The following INO80 variants were observed in gnomAD, a reference collection of about 807,000 sequenced individuals.
INO80 encodes the protein chromatin-remodeling ATPase INO80.
A neutral mutation model predicts 203.4 loss-of-function variants in INO80; 20 were observed. The observed-to-expected ratio is 0.10, with a 90% CI of 0.07 to 0.14. INO80 has a LOEUF of 0.14. Among genes scored for constraint, INO80 ranks in the 10% least tolerant of loss-of-function variants. INO80 has a pLI of 1.00. For synonymous variants in INO80, 726 were observed against 685.2 expected, an observed-to-expected ratio of 1.06 and a Z score of -0.93; for missense variants, 1,419 against 1,914.4, an observed-to-expected ratio of 0.74 and a Z score of 4.83.
intron 19 of INO80, among the ~76,000 whole-genome samples, chr15:41,052,090 G>C (rs757653124): frequency 1.3e-5 from 2 of 151,994 alleles, no homozygotes; most frequent in Non-Finnish European, 2.9e-5. Flanking sequence ...AGTTAGCCAT[G>C]ATCATGCTAC....
chr15:41,045,053 G>T lies in INO80; in HGVS notation c.2758C>A (p.Leu920Met). The T allele has an allele frequency of 6.2e-7, 1 of 1,606,762 alleles. No individual in the cohort carries two copies. Among genetic ancestry groups the T allele is most frequent in the South Asian group, 1.1e-5 (1 of 89,684 alleles). ...TGATGGAGCCTGTAGGAGGCTTTCAGAGACAGGAAAAGAGCTAACCATCTG... is the reference window on the plus strand; with the variant it reads ...TGATGGAGCCTGTAGGAGGCTTTCATAGACAGGAAAAGAGCTAACCATCTG... Reference protein sequence around the residue: ...LARWLALFLSLKASYRLHQLR... With the variant: ...LARWLALFLSMKASYRLHQLR... Residue 920 changes from leucine (L) to methionine (M), a missense_variant, in exon 24 of 36, where the codon CTG becomes ATG. Around this residue, in one of 9 missense-constraint regions of INO80, gnomAD observed 302 missense variants for 345.4 expected, o/e 0.87. Coordinates refer to ENST00000648947, the MANE Select transcript of INO80 (RefSeq NM_017553.3).
At chr15:41,073,313 T>TA in intron 11 of INO80, 115 bp downstream of exon 11, 1 of 869,798 alleles carries the variant, frequency 1.1e-6, no homozygotes. Flanking sequence ...ATACACAAGC[T>TA]AGTCTATGCT....
chr15:41,046,924 A>G (rs1200648482), intron 23 of INO80, among the ~76,000 whole-genome samples: 3 of 150,272 alleles, frequency 2.0e-5, no homozygotes, highest in African/African-American at 4.9e-5. Flanking sequence ...GGGCCTGGTC[A>G]ACAAACTGTA....
At chr15:41,106,156 A>G (rs1253126402) in intron 1 of INO80, among the ~76,000 whole-genome samples, 1 of 151,996 alleles carries the variant, frequency 6.6e-6, no homozygotes, top group Non-Finnish European at 1.5e-5. Flanking sequence ...CACTTTGGGA[A>G]GCTAATCACT....
rs1342017999 is a variant in INO80 at position 41,031,115 on chromosome 15, A to C, written c.2908-3379T>G. On this transcript the variant is annotated intron_variant, in intron 24 of 35. Coordinates refer to ENST00000648947, the MANE Select transcript of INO80 (RefSeq NM_017553.3). ...CAACATATAGCCTCAACTTTAGAGA[A>C]ACCCTGACTACCCCTAGAATGTTTT... 2.0e-5 allele frequency among the ~76,000 whole-genome samples: 3 copies of C among 152,204 alleles called. No individual in the cohort carries two copies. The East Asian group carries it at 5.8e-4, about 29-fold the overall frequency.
chr15:41,013,527 A>G (rs919966022), intron 27 of INO80, among the ~76,000 whole-genome samples: 2 of 152,218 alleles, frequency 1.3e-5, no homozygotes, highest in African/African-American at 4.8e-5. Context: ...AAGTCGTACA[A>G]TATGTTTATA....
chr15:41,071,707 T>C (rs553924602), intron 12 of INO80, 142 bp downstream of exon 12: 84 of 646,148 alleles, frequency 1.3e-4, no homozygotes, highest in Non-Finnish European at 2.1e-4. Flanking sequence ...GTGATCCGCC[T>C]GCCTTGGCCT....
chr15:41,074,542 G>A lies in INO80; in HGVS notation c.1155C>T (p.Leu385=), dbSNP rs1241751549. Residue 385 remains leucine (L), a synonymous_variant, in exon 10 of 36, where the codon CTC becomes CTT. Coordinates refer to ENST00000648947, the MANE Select transcript of INO80 (RefSeq NM_017553.3). ...ACTCTGTCTGGGTAATTAAGAAGTT[G>A]AGTTTTCGCTGTTGCCTCTTGGCCT... ...MREAKRQQRK[L]NFLITQTELY... is the part of the protein sequence containing the mutation. The A allele has an allele frequency of 3.1e-6, 5 of 1,610,144 alleles. No individual in the cohort carries two copies. Among genetic ancestry groups the A allele is most frequent in the Non-Finnish European group, 4.2e-6 (5 of 1,178,414 alleles).
intron 19 of INO80, among the ~76,000 whole-genome samples, chr15:41,051,835 G>T (rs1384706598): frequency 2.0e-5 from 3 of 152,068 alleles, no homozygotes; most frequent in African/African-American, 4.8e-5. Context: ...GTACACACCT[G>T]TAGTCCCAGC....
At chr15:41,006,985 A>T (rs2044050737) in intron 27 of INO80, among the ~76,000 whole-genome samples, 1 of 152,098 alleles carries the variant, frequency 6.6e-6, no homozygotes, top group African/African-American at 2.4e-5. Flanking sequence ...TCAAGAAAGA[A>T]GGTATAAAAT....
At chr15:41,080,783 C>T (rs1441154080) in intron 8 of INO80, among the ~76,000 whole-genome samples, 1 of 152,082 alleles carries the variant, frequency 6.6e-6, no homozygotes. Flanking sequence ...ACCTGGGAGA[C>T]GGTGGTTGCA....
rs189218778 is a variant in INO80 at position 41,031,001 on chromosome 15, A to G, written c.2908-3265T>C. 2.7e-3 allele frequency among the ~76,000 whole-genome samples: 409 copies of G among 152,324 alleles called. 3 individuals are homozygous for G. Among genetic ancestry groups the G allele is most frequent in the South Asian group, 0.013 (62 of 4,822 alleles). On this transcript the variant is annotated intron_variant, in intron 24 of 35. Transcript: ENST00000648947. ...CTTATTTTTTATGAGCTGGGTTAAAATAGTATTCTCATTGAAGTTGCTAAG... is the reference window on the plus strand; with the variant it reads ...CTTATTTTTTATGAGCTGGGTTAAAGTAGTATTCTCATTGAAGTTGCTAAG...
Position 41,069,661 on chromosome 15 carries a change from T to A in INO80, c.1691A>T (p.Glu564Val). The A allele has an allele frequency of 6.2e-7, 1 of 1,600,478 alleles. No individual in the cohort carries two copies. The highest frequency in any genetic ancestry group is 8.5e-7 in the Non-Finnish European group (1 of 1,170,928). ...IALLAHLAER[E>V]NIWGPFLIIS... Reference sequence around the variant, plus strand: ...TATTAAGAAAGGTCCCCAAATGTTCTCTCTCTGCAACAGAAAAACCCAGTC... The same window carrying A: ...TATTAAGAAAGGTCCCCAAATGTTCACTCTCTGCAACAGAAAAACCCAGTC... The change falls in exon 14 of 36, where the codon GAG becomes GTG. Residue 564 changes from glutamate to valine, a missense_variant. This residue lies in a region of INO80 where 192 missense variants were observed against 406.7 expected (regional missense o/e 0.47). Coordinates refer to ENST00000648947, the MANE Select transcript of INO80 (RefSeq NM_017553.3).
chr15:41,114,215 C>G (rs935535933), intron 1 of INO80, among the ~76,000 whole-genome samples: 4 of 150,898 alleles, frequency 2.7e-5, no homozygotes, highest in African/African-American at 9.8e-5. Context: ...TGCAGTGAGC[C>G]GAGATCACGC....
chr15:41,053,631 AAG>A (rs2044926075), intron 19 of INO80, among the ~76,000 whole-genome samples: 1 of 152,204 alleles, frequency 6.6e-6, no homozygotes, highest in Non-Finnish European at 1.5e-5. Context: ...GCTTTTGAAT[AAG>A]AGAGAGGTAG....
chr15:41,099,647 T>G (rs1244208045), intron 1 of INO80, among the ~76,000 whole-genome samples: 1 of 151,598 alleles, frequency 6.6e-6, no homozygotes, highest in Non-Finnish European at 1.5e-5. Context: ...CTGAGTGTAG[T>G]GGCATGCACC....
intron 31 of INO80, 80 bp from the exon 32 acceptor site, chr15:40,985,506 T>G: frequency 3.0e-6 from 3 of 988,074 alleles, no homozygotes; most frequent in Non-Finnish European, 3.3e-6. Flanking sequence ...GGTGGCCATA[T>G]CCCCTGATGT....
chr15:41,059,772 A>ATTC, intron 15 of INO80, 95 bp downstream of exon 15: 1 of 777,682 alleles, frequency 1.3e-6, no homozygotes, highest in Non-Finnish European at 2.1e-6. Flanking sequence ...ATAATAGATA[A>ATTC]GAAGATTTTT....
intron 7 of INO80, among the ~76,000 whole-genome samples, chr15:41,082,436 C>T (rs2045499682): frequency 5.9e-5 from 9 of 151,840 alleles, no homozygotes; most frequent in Admixed American, 5.9e-4. Flanking sequence ...CGTGGTGGCT[C>T]ACGCCTGTAA....
Sources: gnomAD v4.1 joint callset for allele counts (sites outside exome capture counted in the v4.1 genomes callset) on GRCh38, gnomAD v4.1.1 for gene constraint, gnomAD v4.1.1 regional missense constraint, MANE v1.5 for transcripts, NCBI Gene and HGNC (gene_info 2026-07-23, HGNC 2026-07-21) for gene names.